The following PRKN variants were observed in gnomAD, a reference collection of about 807,000 sequenced individuals.
PRKN encodes parkin RBR E3 ubiquitin protein ligase.
A neutral mutation model predicts 59.5 loss-of-function variants in PRKN; 56 were observed. The ratio of observed to expected loss-of-function variants is 0.94; its 90% CI spans 0.76 to 1.18. The LOEUF (loss-of-function observed/expected upper bound fraction) is 1.18. Among genes scored for constraint, PRKN ranks in the 50% most tolerant of loss-of-function variants. PRKN has a pLI of 0.00. For synonymous variants in PRKN, 250 were observed against 222.1 expected (o/e 1.13, Z -1.12); for missense variants, 657 against 596.4 (o/e 1.10, Z -1.06).
intron 2 of PRKN, among the ~76,000 whole-genome samples, chr6:162,293,102 C>T (rs898228605): frequency 6.6e-6 from 1 of 152,162 alleles, no homozygotes; most frequent in Non-Finnish European, 1.5e-5. Flanking sequence ...AAGATATTAA[C>T]AAGCTTCAAC....
rs114066210 is a variant in PRKN, at chr6:161,543,121, T to C, written c.1083+5733A>G. 9.2e-3 allele frequency among the ~76,000 whole-genome samples: 1,403 copies of C among 152,328 alleles called. 25 individuals are homozygous for C. The highest frequency in any genetic ancestry group is 0.032 in the African/African-American group (1,342 of 41,578). On this transcript the variant is annotated intron_variant, in intron 9 of 11. Transcript: ENST00000366898. Reference sequence around the variant, plus strand: ...TAATTTGGATTTTAAACTCAATAATTAGTTAAATCTTTGAGTAAAAGGGTA... The same window carrying C: ...TAATTTGGATTTTAAACTCAATAATCAGTTAAATCTTTGAGTAAAAGGGTA...
At chr6:161,416,758 G>A in intron 9 of PRKN, among the ~76,000 whole-genome samples, 1 of 152,148 alleles carries the variant, frequency 6.6e-6, no homozygotes, top group Non-Finnish European at 1.5e-5. Context: ...AAGACAAAGT[G>A]CTTCAAGGCA....
At chr6:162,548,299 C>T (rs561363011) in intron 1 of PRKN, among the ~76,000 whole-genome samples, 11 of 152,114 alleles carry the variant, frequency 7.2e-5, no homozygotes, top group East Asian at 1.9e-4. Context: ...CCTCATGATC[C>T]GCCTGCCTCA....
intron 6 of PRKN, among the ~76,000 whole-genome samples, chr6:161,970,413 A>ATATG (rs1350892201): frequency 6.6e-6 from 1 of 151,254 alleles, no homozygotes; most frequent in African/African-American, 2.4e-5. Context: ...ATATATATAT[A>ATATG]TATATATACA....
At chr6:161,952,840 T>C (rs1780038606) in intron 6 of PRKN, among the ~76,000 whole-genome samples, 1 of 152,182 alleles carries the variant, frequency 6.6e-6, no homozygotes, top group Admixed American at 6.5e-5. Flanking sequence ...TAATAAAAGT[T>C]GGATCTTTTT....
At chr6:162,087,768 A>G (rs10945796) in intron 4 of PRKN, among the ~76,000 whole-genome samples, 53,369 of 151,080 alleles carry the variant, frequency 0.35, 9,733 homozygotes, top group Admixed American at 0.45. Flanking sequence ...TAATTTTTCT[A>G]TTTTTAGTAG....
chr6:162,474,906 G>T (rs968381717), intron 1 of PRKN, among the ~76,000 whole-genome samples: 1 of 152,258 alleles, frequency 6.6e-6, no homozygotes. Context: ...AAAAGATGAA[G>T]AGACAAAAAC....
intron 3 of PRKN, among the ~76,000 whole-genome samples, chr6:162,217,197 G>A (rs529105423): frequency 6.6e-6 from 1 of 152,064 alleles, no homozygotes; most frequent in African/African-American, 2.4e-5. Context: ...ATGAACCAAG[G>A]CCCAATCATT....
intron 4 of PRKN, among the ~76,000 whole-genome samples, chr6:162,179,762 A>G (rs775184717): frequency 6.6e-6 from 1 of 152,122 alleles, no homozygotes; most frequent in African/African-American, 2.4e-5. Context: ...CACTGGCTCA[A>G]TTCATGAGCT....
At chr6:161,424,648 C>G (rs914314501) in intron 9 of PRKN, among the ~76,000 whole-genome samples, 1 of 152,136 alleles carries the variant, frequency 6.6e-6, no homozygotes, top group African/African-American at 2.4e-5. Flanking sequence ...ACAGCAGGAA[C>G]CACAGGACAC....
rs1330085630 is a variant in PRKN at position 161,471,943 on chromosome 6, A to G, written c.1083+76911T>C. 6.6e-6 allele frequency among the ~76,000 whole-genome samples: 1 copy of G among 152,146 alleles called. No individual in the cohort carries two copies. Among genetic ancestry groups the G allele is most frequent in the Non-Finnish European group, 1.5e-5 (1 of 68,026 alleles). On this transcript the variant is annotated intron_variant, in intron 9 of 11. Transcript: ENST00000366898. This position sits in a 1 kb window ranked among gnomAD's most constrained non-coding sequence, Gnocchi z 4.5. The stretch of plus-strand genomic sequence containing the variant: ...CTCACCTGGAATCTGTTTAATTTCA[A>G]TACCAACTTTGGGAGACATTAAAAA...
At chr6:162,707,868 C>T (rs943260392) in intron 1 of PRKN, among the ~76,000 whole-genome samples, 4 of 152,070 alleles carry the variant, frequency 2.6e-5, no homozygotes, top group East Asian at 1.9e-4. Flanking sequence ...GCATAAGCCA[C>T]CATACCTGGC....
chr6:161,614,660 T>C (rs892104971), intron 7 of PRKN, among the ~76,000 whole-genome samples: 5 of 152,254 alleles, frequency 3.3e-5, no homozygotes, highest in African/African-American at 1.2e-4. Context: ...GTTTCACATA[T>C]ATGTATAGAC....
At chr6:162,525,447 C>T (rs559100755) in intron 1 of PRKN, among the ~76,000 whole-genome samples, 54 of 152,234 alleles carry the variant, frequency 3.5e-4, no homozygotes, top group Middle Eastern at 3.4e-3. Context: ...TCGCTCACTC[C>T]CTCAGAGAGG....
At position 161,545,210 on chromosome 6, in the gene PRKN, T is replaced by C; in HGVS notation, c.1083+3644A>G. 2 of 1,359,172 alleles carry C rather than the reference T, an allele frequency of 1.5e-6. No homozygotes were observed. Among genetic ancestry groups the C allele is most frequent in the East Asian group, 2.7e-5 (1 of 37,158 alleles). The allele number at this position is 1,359,172 out of a possible 1,614,324, so 84.2% of individuals were successfully genotyped here. On this transcript the variant is annotated intron_variant, in intron 9 of 11. Transcript: ENST00000366898. This position sits in a 1 kb window ranked among gnomAD's most constrained non-coding sequence, Gnocchi z 4.1. ...AGTTGTACTTTTTCTATCTTGATAA[T>C]TGAGGGAAAAAAAAATTAAGCACGG...
chr6:162,009,138 AG>A (rs1294520775), intron 5 of PRKN, among the ~76,000 whole-genome samples: 2 of 151,916 alleles, frequency 1.3e-5, no homozygotes, highest in African/African-American at 4.9e-5. Context: ...CTGTAATCCC[AG>A]CTACTTGGGA....
intron 7 of PRKN, among the ~76,000 whole-genome samples, chr6:161,595,007 T>TG (rs1327422525): frequency 6.6e-6 from 1 of 152,042 alleles, no homozygotes; most frequent in East Asian, 1.9e-4. Context: ...CAAAATCCAA[T>TG]GGAAAATGTG....
chr6:161,651,288 CTAAT>C (rs1054132519), intron 7 of PRKN, among the ~76,000 whole-genome samples: 2 of 152,170 alleles, frequency 1.3e-5, no homozygotes, highest in African/African-American at 4.8e-5. Context: ...TCTCCCATAA[CTAAT>C]TATCTGTACT....
intron 2 of PRKN, among the ~76,000 whole-genome samples, chr6:162,426,211 G>A (rs956727217): frequency 3.3e-5 from 5 of 152,128 alleles, no homozygotes; most frequent in Admixed American, 6.5e-5. Context: ...ATATAACAAC[G>A]TAGTATTGGT....
Sources: gnomAD v4.1 joint callset for allele counts (sites outside exome capture counted in the v4.1 genomes callset) on GRCh38, gnomAD v4.1.1 for gene constraint, Gnocchi (gnomAD v3.1) non-coding constraint, MANE v1.5 for transcripts, NCBI Gene and HGNC (gene_info 2026-07-23, HGNC 2026-07-21) for gene names.